ST7: variants seen among roughly 807,000 people sequenced by gnomAD.
ST7 encodes suppression of tumorigenicity 7.
ST7 carries 28 observed loss-of-function variants against 78.7 expected under a neutral mutation model. The ratio of observed to expected loss-of-function variants is 0.36; its 90% CI spans 0.26 to 0.49. The LOEUF (loss-of-function observed/expected upper bound fraction) is 0.49. Ranked by LOEUF, ST7 falls within the 20% of genes least tolerant of loss-of-function variation. The pLI, the probability that ST7 is intolerant of heterozygous loss-of-function variation, is 0.99. For synonymous variants in ST7, 247 were observed against 249.6 expected (o/e 0.99, Z 0.10); for missense variants, 418 against 696.0 (o/e 0.60, Z 4.49).
intron 15 of ST7, among the ~76,000 whole-genome samples, chr7:117,229,209 G>A (rs956625216): frequency 7.2e-5 from 11 of 152,160 alleles, no homozygotes; most frequent in Admixed American, 5.9e-4. Flanking sequence ...CCCGTTTGCC[G>A]CCTTCTCCCA....
At chr7:117,030,773 T>C (rs1796434497) in intron 1 of ST7, among the ~76,000 whole-genome samples, 1 of 152,160 alleles carries the variant, frequency 6.6e-6, no homozygotes. Flanking sequence ...TGGAAAGCAG[T>C]GTGGCAACTC....
chr7:116,979,231 A>T (rs1396740297), intron 1 of ST7, among the ~76,000 whole-genome samples: 1 of 152,194 alleles, frequency 6.6e-6, no homozygotes, highest in Non-Finnish European at 1.5e-5. Flanking sequence ...AGCAGCAGGG[A>T]AAGTGGAAGG....
At chr7:117,013,827 C>T (rs1434629601) in intron 1 of ST7, among the ~76,000 whole-genome samples, 5 of 151,892 alleles carry the variant, frequency 3.3e-5, no homozygotes, top group Admixed American at 6.6e-5. Context: ...AGTGAGACTC[C>T]GCCAAAAATA....
chr7:117,079,669 G>A (rs1799609309), intron 1 of ST7, among the ~76,000 whole-genome samples: 1 of 152,046 alleles, frequency 6.6e-6, no homozygotes, highest in African/African-American at 2.4e-5. Context: ...TGTATTGTTT[G>A]TTTTTAAAGC....
At chr7:117,014,219 A>C (rs1352370037) in intron 1 of ST7, among the ~76,000 whole-genome samples, 1 of 152,258 alleles carries the variant, frequency 6.6e-6, no homozygotes, top group Non-Finnish European at 1.5e-5. Context: ...TGGCAAGGTA[A>C]ATAATTGTAT....
At chr7:117,115,698 C>G (rs546630887) in intron 2 of ST7, among the ~76,000 whole-genome samples, 1 of 151,312 alleles carries the variant, frequency 6.6e-6, no homozygotes, top group African/African-American at 2.4e-5. Context: ...GATCATGTCT[C>G]TGGGTAATTT....
intron 10 of ST7, among the ~76,000 whole-genome samples, chr7:117,175,445 C>T (rs153015): frequency 6.6e-6 from 1 of 151,982 alleles, no homozygotes; most frequent in South Asian, 2.1e-4. Context: ...GAATCTCGTA[C>T]AGCAAGCGAA....
rs745530832 is a variant in ST7, at chr7:116,979,958, C to CTTTTTTTTTTTTTTT, written c.151+26270_151+26284dup. 3.2e-4 allele frequency among the ~76,000 whole-genome samples: 28 copies of CTTTTTTTTTTTTTTT among 86,256 alleles called. 1 individual carries two copies. Among genetic ancestry groups the CTTTTTTTTTTTTTTT allele is most frequent in the Non-Finnish European group, 4.3e-4 (21 of 48,814 alleles). The allele number at this position is 86,256 out of a possible 152,430, so 56.6% of individuals were successfully genotyped here. A position where few individuals can be genotyped will look rare whatever the true frequency, so the allele number is the denominator to read the frequency against. Reference sequence around the variant, plus strand: ...CCTTTTTTCTTTTTCTTTTGTTTCTCTTTTTTTTTTTTTTTTTGGAGACAG... The same window carrying CTTTTTTTTTTTTTTT: ...CCTTTTTTCTTTTTCTTTTGTTTCTCTTTTTTTTTTTTTTTTTTTTTTTTTTTTTTTTGGAGACAG... On this transcript the variant is annotated intron_variant, in intron 1 of 15. Coordinates refer to ENST00000323984, the MANE Select transcript of ST7 (RefSeq NM_001369598.1).
chr7:117,046,901 A>C (rs1020683120), intron 1 of ST7, among the ~76,000 whole-genome samples: 1 of 152,190 alleles, frequency 6.6e-6, no homozygotes, highest in Non-Finnish European at 1.5e-5. Flanking sequence ...TGCAGGTTTA[A>C]TGTTAAATTA....
At chr7:117,038,497 A>T (rs1797015370) in intron 1 of ST7, among the ~76,000 whole-genome samples, 1 of 152,146 alleles carries the variant, frequency 6.6e-6, no homozygotes, top group Non-Finnish European at 1.5e-5. Context: ...ATTGGGATTG[A>T]TTTTGGTTCT....
intron 8 of ST7, among the ~76,000 whole-genome samples, chr7:117,137,644 C>T (rs1033621688): frequency 6.6e-5 from 10 of 152,090 alleles, no homozygotes; most frequent in African/African-American, 2.2e-4. Context: ...GTCTTAACAT[C>T]TTTTAATAGC....
chr7:117,076,307 A>T (rs1799335220), intron 1 of ST7, among the ~76,000 whole-genome samples: 1 of 152,254 alleles, frequency 6.6e-6, no homozygotes, highest in African/African-American at 2.4e-5. Flanking sequence ...AACTGAAAGT[A>T]GATTTTTCAT....
chr7:117,136,454 C>T, intron 8 of ST7: 1 of 613,998 alleles, frequency 1.6e-6, no homozygotes, highest in Non-Finnish European at 2.8e-6. Context: ...TCTTTCCTGC[C>T]CATAGATTCC....
intron 1 of ST7, among the ~76,000 whole-genome samples, chr7:116,980,894 A>G (rs1427364674): frequency 1.3e-5 from 2 of 152,232 alleles, no homozygotes; most frequent in Non-Finnish European, 2.9e-5. Flanking sequence ...TGTCGATTCT[A>G]TGCAAGTTTT....
chr7:117,135,237 A>G (rs1804694054), intron 7 of ST7, among the ~76,000 whole-genome samples: 1 of 151,986 alleles, frequency 6.6e-6, no homozygotes, highest in Non-Finnish European at 1.5e-5. Flanking sequence ...AGAACTCCCC[A>G]TGTTCATTAA....
rs1792969317 is a variant in ST7 at position 117,219,994 on chromosome 7, A to G, written c.1498+818A>G. Among the ~76,000 whole-genome samples the G allele has an allele frequency of 6.6e-6, 1 of 152,206 alleles. No homozygotes were observed. Among genetic ancestry groups the G allele is most frequent in the Non-Finnish European group, 1.5e-5 (1 of 68,038 alleles). On this transcript the variant is annotated intron_variant, in intron 14 of 15. Coordinates refer to ENST00000323984, the MANE Select transcript of ST7 (RefSeq NM_001369598.1). This position sits in a 1 kb window ranked among gnomAD's most constrained non-coding sequence, Gnocchi z 5.1. ...ATATATTTTTCTCCCTCAGATAATA[A>G]GCTCCAAATTTTAGCTCTTCTCCCT...
chr7:116,998,290 A>G (rs983374268), intron 1 of ST7, among the ~76,000 whole-genome samples: 2 of 152,108 alleles, frequency 1.3e-5, no homozygotes, highest in Non-Finnish European at 2.9e-5. Context: ...GGCCACTCTG[A>G]GTGTGGGGCC....
chr7:117,172,201 C>T (rs1182298907), intron 10 of ST7, among the ~76,000 whole-genome samples: 1 of 152,146 alleles, frequency 6.6e-6, no homozygotes, highest in Non-Finnish European at 1.5e-5. Flanking sequence ...CACCTTGGCC[C>T]CGCAAGGCAC....
At chr7:117,053,001 T>A (rs1349823687) in intron 1 of ST7, among the ~76,000 whole-genome samples, 1 of 152,230 alleles carries the variant, frequency 6.6e-6, no homozygotes, top group African/African-American at 2.4e-5. Context: ...TTCTGACTCT[T>A]TTCTGTATCT....
Sources: gnomAD v4.1 joint callset for allele counts (sites outside exome capture counted in the v4.1 genomes callset) on GRCh38, gnomAD v4.1.1 for gene constraint, Gnocchi (gnomAD v3.1) non-coding constraint, MANE v1.5 for transcripts, NCBI Gene and HGNC (gene_info 2026-07-23, HGNC 2026-07-21) for gene names.